Variants in BRAF observed in about 807,000 individuals in gnomAD.
BRAF encodes the protein B-Raf proto-oncogene, serine/threonine kinase.
BRAF carries 16 observed loss-of-function variants against 104.6 expected under a neutral mutation model. That is an observed-to-expected ratio of 0.15 (90% CI 0.10 to 0.23). BRAF has a LOEUF of 0.23. Among genes scored for constraint, BRAF ranks in the 10% least tolerant of loss-of-function variants. The pLI, the probability that BRAF is intolerant of heterozygous loss-of-function variation, is 1.00. For missense variants in BRAF, 541 were observed against 937.3 expected (o/e 0.58, Z 5.52); for synonymous variants, 310 against 341.6 (o/e 0.91, Z 1.02).
At chr7:140,788,369 G>A (rs1243027476) in intron 8 of BRAF, among the ~76,000 whole-genome samples, 1 of 151,970 alleles carries the variant, frequency 6.6e-6, no homozygotes, top group South Asian at 2.1e-4. Context: ...TCTATTATAG[G>A]CATTTTGACA....
chr7:140,913,585 C>T (rs914926289), intron 1 of BRAF, among the ~76,000 whole-genome samples: 3 of 137,022 alleles, frequency 2.2e-5, no homozygotes, highest in Non-Finnish European at 3.0e-5. Flanking sequence ...CTGATTGAAG[C>T]GATTCTCTTG....
In BRAF at chr7:140,924,674, G is replaced by T; in HGVS notation, c.30C>A (p.Gly10=). Residue 10 remains glycine (G), a synonymous_variant, in exon 1 of 20, where the codon GGC becomes GGA. Coordinates refer to ENST00000644969, the MANE Select transcript of BRAF (RefSeq NM_001374258.1). The surrounding 1 kb of genome is among the most constrained non-coding windows in gnomAD (Gnocchi z 4.2). MAALSGGGG[G]GAEPGQALFN... is the part of the protein sequence containing the mutation. ...ACAGAGCCTGGCCCGGCTCCGCGCC[G>T]CCACCACCGCCACCGCTCAGCGCCG... is the stretch of plus-strand genomic sequence containing the variant. The T allele has an allele frequency of 8.6e-7, 1 of 1,165,678 alleles. No homozygotes were observed. Among genetic ancestry groups the T allele is most frequent in the Non-Finnish European group, 1.2e-6 (1 of 822,372 alleles). The allele number at this position is 1,165,678 out of a possible 1,614,324, so 72.2% of individuals were successfully genotyped here.
intron 1 of BRAF, among the ~76,000 whole-genome samples, chr7:140,880,734 T>C (rs934194814): frequency 6.6e-6 from 1 of 151,812 alleles, no homozygotes; most frequent in Non-Finnish European, 1.5e-5. Flanking sequence ...AAAACATTAC[T>C]GAGGCAAGAG....
At chr7:140,809,148 G>A (rs1178797000) in intron 3 of BRAF, among the ~76,000 whole-genome samples, 153 bp from the exon 4 acceptor site, 3 of 152,108 alleles carry the variant, frequency 2.0e-5, no homozygotes, top group African/African-American at 7.2e-5. Flanking sequence ...ATACTAAAGG[G>A]AAATTATAAC....
At chr7:140,813,381 G>T (rs963198853) in intron 3 of BRAF, among the ~76,000 whole-genome samples, 1 of 152,042 alleles carries the variant, frequency 6.6e-6, no homozygotes, top group African/African-American at 2.4e-5. Context: ...AAAAAAAATT[G>T]ATAACATATT....
At chr7:140,824,633 C>T (rs563586847) in intron 3 of BRAF, among the ~76,000 whole-genome samples, 5 of 149,528 alleles carry the variant, frequency 3.3e-5, no homozygotes, top group African/African-American at 7.4e-5. Context: ...AATTTTAGGA[C>T]GGACTTTCTA....
chr7:140,835,054 T>C, intron 2 of BRAF, 182 bp from the exon 3 acceptor site: 1 of 679,474 alleles, frequency 1.5e-6, no homozygotes, highest in Non-Finnish European at 2.5e-6. Context: ...ATTGATAAAT[T>C]CTTTGTTATT....
At chr7:140,886,240 T>C (rs1813549446) in intron 1 of BRAF, among the ~76,000 whole-genome samples, 2 of 152,214 alleles carry the variant, frequency 1.3e-5, no homozygotes, top group South Asian at 4.1e-4. Context: ...AAAATTATCA[T>C]CCTTTCTCTC....
At chr7:140,874,551 A>G (rs76895639) in intron 1 of BRAF, among the ~76,000 whole-genome samples, 32 of 148,346 alleles carry the variant, frequency 2.2e-4, no homozygotes, top group African/African-American at 7.7e-4. Context: ...AAAAAAAAAA[A>G]GGCAAAGAAA....
chr7:140,877,689 C>A (rs1414256804), intron 1 of BRAF, among the ~76,000 whole-genome samples: 1 of 152,022 alleles, frequency 6.6e-6, no homozygotes, highest in Non-Finnish European at 1.5e-5. Context: ...CCCCTACACA[C>A]AGACATTTAA....
chr7:140,778,285 A>T lies in BRAF; in HGVS notation c.1553-210T>A, dbSNP rs949413118. Among the ~76,000 whole-genome samples, 30 of 152,186 alleles carry T rather than the reference A, an allele frequency of 2.0e-4. 1 individual carries two copies. The highest frequency in any genetic ancestry group is 6.8e-4 in the African/African-American group (28 of 41,448). On this transcript the variant is annotated intron_variant, in intron 12 of 19. Coordinates refer to ENST00000644969, the MANE Select transcript of BRAF (RefSeq NM_001374258.1). ...GATATTCCTGTACTAGTATTTCAAA[A>T]TATCAATCCAAAAAATAGCCAACCT...
chr7:140,767,970 A>C (rs148448293), intron 14 of BRAF, among the ~76,000 whole-genome samples: 4 of 152,240 alleles, frequency 2.6e-5, no homozygotes, highest in Non-Finnish European at 4.4e-5. Flanking sequence ...TAGTTGGCAT[A>C]AAGAAAAAGG....
At chr7:140,764,646 C>T (rs1453747452) in intron 14 of BRAF, among the ~76,000 whole-genome samples, 1 of 152,160 alleles carries the variant, frequency 6.6e-6, no homozygotes, top group Non-Finnish European at 1.5e-5. Context: ...CATTCTTATA[C>T]ACCAATAACA....
intron 1 of BRAF, among the ~76,000 whole-genome samples, chr7:140,912,075 C>G (rs946313153): frequency 2.6e-5 from 4 of 152,166 alleles, no homozygotes; most frequent in Non-Finnish European, 4.4e-5. Flanking sequence ...ATCACTTGAG[C>G]CCAGGAGTTG....
chr7:140,839,720 A>G (rs1807731273), intron 2 of BRAF, among the ~76,000 whole-genome samples: 1 of 152,220 alleles, frequency 6.6e-6, no homozygotes, highest in Non-Finnish European at 1.5e-5. Flanking sequence ...ACAGAATGAG[A>G]TTCTGTTTCA....
intron 1 of BRAF, among the ~76,000 whole-genome samples, chr7:140,910,818 G>A (rs1440060359): frequency 6.6e-6 from 1 of 151,996 alleles, no homozygotes; most frequent in Non-Finnish European, 1.5e-5. Context: ...GACTACATGT[G>A]GATGCCACCA....
At chr7:140,761,392 T>C (rs1410303829) in intron 14 of BRAF, among the ~76,000 whole-genome samples, 1 of 151,850 alleles carries the variant, frequency 6.6e-6, no homozygotes, top group African/African-American at 2.4e-5. Flanking sequence ...AAGGAAGCAC[T>C]AAACATGGAA....
At chr7:140,832,103 T>C (rs1806826926) in intron 3 of BRAF, among the ~76,000 whole-genome samples, 1 of 152,254 alleles carries the variant, frequency 6.6e-6, no homozygotes, top group South Asian at 2.1e-4. Flanking sequence ...CCTGTTTTAT[T>C]ATTCTTTTTA....
intron 19 of BRAF, among the ~76,000 whole-genome samples, chr7:140,727,770 G>A (rs1030089881): frequency 6.6e-6 from 1 of 152,042 alleles, no homozygotes; most frequent in Admixed American, 6.6e-5. Flanking sequence ...ACAGGCACAT[G>A]AAGCCACGCC....
Sources: gnomAD v4.1 joint callset for allele counts (sites outside exome capture counted in the v4.1 genomes callset) on GRCh38, gnomAD v4.1.1 for gene constraint, Gnocchi (gnomAD v3.1) non-coding constraint, MANE v1.5 for transcripts, NCBI Gene and HGNC (gene_info 2026-07-23, HGNC 2026-07-21) for gene names.